The following MACROD2 variants were observed in gnomAD, a reference collection of about 807,000 sequenced individuals.
MACROD2 encodes mono-ADP ribosylhydrolase 2, also known as ADP-ribose glycohydrolase MACROD2.
MACROD2 carries 36 observed loss-of-function variants against 70.4 expected under a neutral mutation model. That is an observed-to-expected ratio of 0.51 (90% confidence interval 0.39 to 0.68). The LOEUF (loss-of-function observed/expected upper bound fraction) is 0.68, where lower values mean the gene tolerates loss of function less well. MACROD2 is among the 30% of genes least tolerant of loss of function. The probability of loss-of-function intolerance (pLI) is 0.00; values close to 1 mark genes in which losing one functional copy is unlikely to be tolerated. For missense variants in MACROD2, 496 were observed against 538.4 expected (o/e 0.92, Z 0.78); for synonymous variants, 172 against 178.8 (o/e 0.96, Z 0.30).
intron 5 of MACROD2, among the ~76,000 whole-genome samples, chr20:15,160,795 G>A (rs902504944): frequency 3.9e-5 from 6 of 151,968 alleles, no homozygotes; most frequent in Non-Finnish European, 8.8e-5. Flanking sequence ...TAAATTATTA[G>A]TTCCTAATCT....
At chr20:14,086,382 G>A (rs1479795504) in intron 3 of MACROD2, among the ~76,000 whole-genome samples, 6 of 152,202 alleles carry the variant, frequency 3.9e-5, no homozygotes, top group Non-Finnish European at 8.8e-5. Flanking sequence ...TATTGTAAAT[G>A]AGAGGATATT....
chr20:15,271,579 A>G (rs2077346662), intron 6 of MACROD2, among the ~76,000 whole-genome samples: 2 of 152,250 alleles, frequency 1.3e-5, no homozygotes, highest in African/African-American at 4.8e-5. Flanking sequence ...ATAAGCAATT[A>G]TACGTATAAT....
rs547682365 is a variant in MACROD2 at position 15,420,569 on chromosome 20, C to A, written c.541-10836C>A. 8.5e-4 allele frequency among the ~76,000 whole-genome samples: 128 copies of A among 150,566 alleles called. 1 individual carries two copies. The highest frequency in any genetic ancestry group is 6.9e-4 in the Non-Finnish European group (47 of 67,748). On this transcript the variant is annotated intron_variant, in intron 6 of 17. Coordinates refer to ENST00000684519, the MANE Select transcript of MACROD2 (RefSeq NM_001351661.2). ...TGAATGCAGTTTTTGAAGGAGACGG[C>A]ATCCTTTTACTATATTCACCCATGC...
intron 4 of MACROD2, among the ~76,000 whole-genome samples, chr20:14,678,761 G>A: frequency 6.6e-6 from 1 of 152,088 alleles, no homozygotes; most frequent in Admixed American, 6.6e-5. Flanking sequence ...CAAAAGGCAA[G>A]GTTTTCTGCA....
Position 14,974,196 on chromosome 20 carries a change from G to A in MACROD2, c.419-255744G>A, listed in dbSNP as rs543766246. Among the ~76,000 whole-genome samples the A allele has an allele frequency of 4.6e-5, 7 of 152,300 alleles. No homozygotes were observed. The South Asian group carries it at 6.2e-4, about 14-fold the overall frequency. On this transcript the variant is annotated intron_variant, in intron 5 of 17. Coordinates refer to ENST00000684519, the MANE Select transcript of MACROD2 (RefSeq NM_001351661.2). ...CAGTTGATTGGATGTAGCGGATAGCGGAGTAGGGGATTGTCTCAGGGACCC... is the reference window on the plus strand; with the variant it reads ...CAGTTGATTGGATGTAGCGGATAGCAGAGTAGGGGATTGTCTCAGGGACCC...
At chr20:15,903,455 A>G (rs2065096188) in intron 10 of MACROD2, among the ~76,000 whole-genome samples, 1 of 152,098 alleles carries the variant, frequency 6.6e-6, no homozygotes, top group Admixed American at 6.5e-5. Flanking sequence ...GTAACTGGAG[A>G]GGTCACTGGA....
At chr20:15,690,479 T>C (rs927049212) in intron 8 of MACROD2, among the ~76,000 whole-genome samples, 1 of 152,104 alleles carries the variant, frequency 6.6e-6, no homozygotes, top group Non-Finnish European at 1.5e-5. Context: ...AAGTTGGCAT[T>C]TGGATATAGG....
intron 8 of MACROD2, among the ~76,000 whole-genome samples, chr20:15,746,873 G>T (rs1600836129): frequency 2.6e-5 from 4 of 152,206 alleles, no homozygotes; most frequent in Admixed American, 2.6e-4. Context: ...GAAAGTAACA[G>T]TCAAGATTTT....
intron 6 of MACROD2, among the ~76,000 whole-genome samples, chr20:15,381,290 A>G (rs1363629675): frequency 6.6e-6 from 1 of 151,836 alleles, no homozygotes; most frequent in African/African-American, 2.4e-5. Flanking sequence ...GAGGCAGGTT[A>G]CTTCTTTTTT....
chr20:15,631,988 AG>A (rs1265684570), intron 8 of MACROD2, among the ~76,000 whole-genome samples: 1 of 151,986 alleles, frequency 6.6e-6, no homozygotes, highest in African/African-American at 2.4e-5. Context: ...AAATACAAAA[AG>A]TTAGCTGGGT....
At chr20:15,164,509 A>G (rs1422175322) in intron 5 of MACROD2, among the ~76,000 whole-genome samples, 6 of 152,190 alleles carry the variant, frequency 3.9e-5, no homozygotes, top group Non-Finnish European at 7.3e-5. Flanking sequence ...GTACATATTA[A>G]AATCCTTGAG....
At chr20:15,979,959 C>T (rs886069638) in intron 13 of MACROD2, among the ~76,000 whole-genome samples, 10 of 152,134 alleles carry the variant, frequency 6.6e-5, no homozygotes, top group Non-Finnish European at 4.4e-5. Flanking sequence ...CAAGCTACTG[C>T]CTTAAAATCC....
intron 4 of MACROD2, among the ~76,000 whole-genome samples, chr20:14,548,800 C>T (rs1978449434): frequency 6.6e-6 from 1 of 151,016 alleles, no homozygotes; most frequent in African/African-American, 2.4e-5. Context: ...GGAAGTGATC[C>T]CTGGAAGTAT....
intron 4 of MACROD2, among the ~76,000 whole-genome samples, chr20:14,583,302 T>C (rs1401920356): frequency 6.6e-6 from 1 of 152,162 alleles, no homozygotes; most frequent in Non-Finnish European, 1.5e-5. Flanking sequence ...AGGATGTTAA[T>C]GCCTCAAAGA....
chr20:15,600,674 A>T (rs1369708893), intron 8 of MACROD2, among the ~76,000 whole-genome samples: 1 of 152,242 alleles, frequency 6.6e-6, no homozygotes, highest in African/African-American at 2.4e-5. Context: ...GCATTTTAAA[A>T]AATCAGAAGC....
At chr20:14,538,267 G>A (rs1003818681) in intron 4 of MACROD2, among the ~76,000 whole-genome samples, 1 of 152,132 alleles carries the variant, frequency 6.6e-6, no homozygotes, top group African/African-American at 2.4e-5. Context: ...TTTTCTCAGG[G>A]CTAAACCCAG....
intron 3 of MACROD2, among the ~76,000 whole-genome samples, chr20:14,175,768 T>C (rs1435963920): frequency 6.6e-6 from 1 of 152,192 alleles, no homozygotes; most frequent in African/African-American, 2.4e-5. Context: ...GTTCAAATTG[T>C]TCCTAAAATC....
intron 4 of MACROD2, among the ~76,000 whole-genome samples, chr20:14,532,939 G>T (rs1013238403): frequency 6.6e-6 from 1 of 152,284 alleles, no homozygotes; most frequent in East Asian, 1.9e-4. Flanking sequence ...GCCAAAAGAT[G>T]TGAAGCCTTA....
chr20:14,814,151 T>C (rs1368359903), intron 5 of MACROD2, among the ~76,000 whole-genome samples: 1 of 152,090 alleles, frequency 6.6e-6, no homozygotes, highest in Admixed American at 6.6e-5. Context: ...AACATCAGAA[T>C]GGAGAAAGTG....
Sources: gnomAD v4.1 joint callset for allele counts (sites outside exome capture counted in the v4.1 genomes callset) on GRCh38, gnomAD v4.1.1 for gene constraint, MANE v1.5 for transcripts, NCBI Gene and HGNC (gene_info 2026-07-23, HGNC 2026-07-21) for gene names.